GPATCH2: variants seen among roughly 807,000 people sequenced by gnomAD.
GPATCH2 encodes G-patch domain containing 2.
GPATCH2 carries 51 observed loss-of-function variants against 58.0 expected under a neutral mutation model. The observed-to-expected ratio is 0.88, with a 90% CI of 0.70 to 1.11. The LOEUF (loss-of-function observed/expected upper bound fraction) is 1.11. Ranked by LOEUF, GPATCH2 falls within the 50% of genes most tolerant of loss-of-function variation. The pLI is 0.00. For synonymous variants in GPATCH2, 222 were observed against 218.5 expected, an observed-to-expected ratio of 1.02 and a Z score of -0.14; for missense variants, 625 against 652.2, an observed-to-expected ratio of 0.96 and a Z score of 0.45.
At chr1:217,623,330 A>G (rs1278781287) in intron 1 of GPATCH2, among the ~76,000 whole-genome samples, 3 of 152,172 alleles carry the variant, frequency 2.0e-5, no homozygotes, top group Admixed American at 1.3e-4. Context: ...ACTGCAGCAC[A>G]GAACATTTAT....
At chr1:217,609,653 T>C in intron 5 of GPATCH2, 1 of 976,304 alleles carries the variant, frequency 1.0e-6, no homozygotes, top group Non-Finnish European at 1.2e-6. Context: ...TAAAATACCC[T>C]GAGTAAAATG....
chr1:217,543,469 A>C (rs974636000), intron 5 of GPATCH2, among the ~76,000 whole-genome samples: 2 of 151,492 alleles, frequency 1.3e-5, no homozygotes, highest in African/African-American at 2.4e-5. Flanking sequence ...CGGGGTTTCA[A>C]CGTGTTAGCC....
At position 217,440,175 on chromosome 1, in the gene GPATCH2, G is replaced by A. The variant is rs150082257; in HGVS notation, c.1367-8810C>T. Among the ~76,000 whole-genome samples, 774 of 152,166 alleles carry A rather than the reference G, an allele frequency of 5.1e-3. 8 individuals are homozygous for A. Among genetic ancestry groups the A allele is most frequent in the African/African-American group, 0.018 (751 of 41,508 alleles). ...AAAGTTTATCCAACATGATCAAGTC[G>A]GCTTCATCCCTGGGATGCAAGGCTG... On this transcript the variant is annotated intron_variant, in intron 9 of 9. Coordinates refer to ENST00000366935, the MANE Select transcript of GPATCH2 (RefSeq NM_018040.5).
chr1:217,528,330 T>A (rs190919963), intron 5 of GPATCH2, among the ~76,000 whole-genome samples: 1 of 152,246 alleles, frequency 6.6e-6, no homozygotes, highest in East Asian at 1.9e-4. Context: ...CAAGATAACG[T>A]TTTCATGTAT....
chr1:217,613,828 C>T (rs17666876), intron 3 of GPATCH2, among the ~76,000 whole-genome samples: 2,308 of 152,182 alleles, frequency 0.015, 29 homozygotes, highest in Middle Eastern at 0.041. Context: ...AGAATGAGAA[C>T]CAGTTTCTTT....
rs1307224524 is a variant in GPATCH2 at position 217,427,055 on chromosome 1, C to T, written c.*4090G>A. The T allele has an allele frequency of 6.6e-6, 1 of 151,976 alleles. No homozygotes were observed. The highest frequency in any genetic ancestry group is 2.4e-5 in the African/African-American group (1 of 41,406). 9.4% of individuals were successfully genotyped at this position (151,976 alleles called of 1,614,324 possible). A position where few individuals can be genotyped will look rare whatever the true frequency, so the allele number is the denominator to read the frequency against. On this transcript the variant is annotated 3_prime_UTR_variant, in exon 10 of 10. Coordinates refer to ENST00000366935, the MANE Select transcript of GPATCH2 (RefSeq NM_018040.5). Reference sequence around the variant, plus strand: ...AATGCCTCTTACAGCAAACAAAACTCAACACTTCAATGCATATTACAAAAC... The same window carrying T: ...AATGCCTCTTACAGCAAACAAAACTTAACACTTCAATGCATATTACAAAAC...
At chr1:217,460,346 G>A (rs900897058) in intron 8 of GPATCH2, among the ~76,000 whole-genome samples, 2 of 152,160 alleles carry the variant, frequency 1.3e-5, no homozygotes, top group South Asian at 2.1e-4. Context: ...TGCTGAAAAC[G>A]TAATGTATGC....
chr1:217,546,908 A>G lies in GPATCH2; in HGVS notation c.1099-32019T>C, dbSNP rs529544717. ...ACAAATTTACAAGAAAAAAACCCAA[A>G]CAACCCCATTAAGAAGTGGGTAAAG... On this transcript the variant is annotated intron_variant, in intron 5 of 9. Coordinates refer to ENST00000366935, the MANE Select transcript of GPATCH2 (RefSeq NM_018040.5). Among the ~76,000 whole-genome samples, 84 of 152,288 alleles carry G rather than the reference A, an allele frequency of 5.5e-4. 2 individuals carry two copies. Among genetic ancestry groups the G allele is most frequent in the Non-Finnish European group, 2.6e-4 (18 of 68,014 alleles).
rs117336642 is a variant in GPATCH2, at chr1:217,555,999, T to C, written c.1099-41110A>G. ...TAGTCAACTTATAAATCATTTGAACTGCTCTCTCTTTCTTAATACTGAAAA... is the reference window on the plus strand; with the variant it reads ...TAGTCAACTTATAAATCATTTGAACCGCTCTCTCTTTCTTAATACTGAAAA... On this transcript the variant is annotated intron_variant, in intron 5 of 9. Transcript: ENST00000366935. Among the ~76,000 whole-genome samples, 13 of 152,340 alleles carry C rather than the reference T, an allele frequency of 8.5e-5. No homozygotes were observed. In the East Asian group the frequency reaches 2.3e-3, roughly 27 times the overall value.
intron 9 of GPATCH2, among the ~76,000 whole-genome samples, chr1:217,437,304 A>G (rs988387854): frequency 2.0e-5 from 3 of 152,110 alleles, no homozygotes; most frequent in Non-Finnish European, 2.9e-5. Context: ...AAACTGGGCG[A>G]CTGTTTGAGC....
intron 5 of GPATCH2, among the ~76,000 whole-genome samples, chr1:217,601,874 A>G (rs967082161): frequency 6.6e-6 from 1 of 152,126 alleles, no homozygotes; most frequent in African/African-American, 2.4e-5. Context: ...GCTTCAAGAG[A>G]TCGTATCTAA....
chr1:217,539,257 C>A (rs900693933), intron 5 of GPATCH2, among the ~76,000 whole-genome samples: 1 of 151,374 alleles, frequency 6.6e-6, no homozygotes, highest in Non-Finnish European at 1.5e-5. Flanking sequence ...GTAAATACCA[C>A]GTTGAAAAAA....
At chr1:217,489,501 T>C (rs562689281) in intron 8 of GPATCH2, among the ~76,000 whole-genome samples, 5 of 152,334 alleles carry the variant, frequency 3.3e-5, no homozygotes, top group African/African-American at 1.2e-4. Context: ...CTGTCCATTA[T>C]TTTATTTTCT....
At chr1:217,507,104 G>A (rs1054141681) in intron 6 of GPATCH2, among the ~76,000 whole-genome samples, 2 of 152,054 alleles carry the variant, frequency 1.3e-5, no homozygotes, top group Non-Finnish European at 2.9e-5. Flanking sequence ...CTGTACACCC[G>A]GCACCTAGTA....
At chr1:217,555,870 C>A (rs920424118) in intron 5 of GPATCH2, among the ~76,000 whole-genome samples, 1 of 152,086 alleles carries the variant, frequency 6.6e-6, no homozygotes, top group African/African-American at 2.4e-5. Context: ...TTATGAGGTA[C>A]GGATTAATAC....
intron 5 of GPATCH2, among the ~76,000 whole-genome samples, chr1:217,529,324 G>A (rs35322667): frequency 0.24 from 36,848 of 152,008 alleles, 4,844 homozygotes; most frequent in East Asian, 0.36. Context: ...GTATTGGGAG[G>A]TGGGGCCTAG....
At chr1:217,474,779 T>C (rs143251255) in intron 8 of GPATCH2, among the ~76,000 whole-genome samples, 3 of 152,332 alleles carry the variant, frequency 2.0e-5, no homozygotes, top group Admixed American at 6.5e-5. Context: ...TACAATTTAT[T>C]GATTTAATGC....
At chr1:217,438,434 AG>A (rs1231440808) in intron 9 of GPATCH2, among the ~76,000 whole-genome samples, 3 of 152,182 alleles carry the variant, frequency 2.0e-5, no homozygotes, top group Non-Finnish European at 4.4e-5. Flanking sequence ...AACTCCTACA[AG>A]CTAAAGGAGC....
At chr1:217,527,358 G>A (rs538763979) in intron 5 of GPATCH2, among the ~76,000 whole-genome samples, 1 of 152,244 alleles carries the variant, frequency 6.6e-6, no homozygotes, top group African/African-American at 2.4e-5. Context: ...ACAATAAGAG[G>A]TATGTATAGT....
Sources: allele counts gnomAD v4.1 joint callset (sites outside exome capture counted in the v4.1 genomes callset), GRCh38; gene constraint gnomAD v4.1.1; transcripts MANE v1.5; gene names NCBI Gene and HGNC (gene_info 2026-07-23, HGNC 2026-07-21).